The following TIMM22 variants were observed in gnomAD, a reference collection of about 807,000 sequenced individuals.
TIMM22 encodes translocase of inner mitochondrial membrane 22, also known as mitochondrial import inner membrane translocase subunit Tim22.
TIMM22 carries 12 observed loss-of-function variants against 18.3 expected under a neutral mutation model. The ratio of observed to expected loss-of-function variants is 0.65; its 90% CI spans 0.42 to 1.06. The LOEUF (loss-of-function observed/expected upper bound fraction) is 1.06, where lower values mean the gene tolerates loss of function less well. TIMM22 is among the 50% of genes least tolerant of loss of function. The probability of loss-of-function intolerance (pLI) is 0.00; values close to 1 mark genes in which losing one functional copy is unlikely to be tolerated. For synonymous variants in TIMM22, 107 were observed against 98.5 expected (o/e 1.09, Z -0.51); for missense variants, 278 against 252.8 (o/e 1.10, Z -0.68).
At chr17:999,358 T>TACACATACAC (rs1555524935) in intron 2 of TIMM22, among the ~76,000 whole-genome samples, 154 bp from the exon 3 acceptor site, 2 of 132,610 alleles carry the variant, frequency 1.5e-5, no homozygotes, top group African/African-American at 6.4e-5. Flanking sequence ...TATATATATA[T>TACACATACAC]ACACGCTGTA....
At chr17:997,490 T>G in intron 1 of TIMM22, 110 bp downstream of exon 1, 1 of 1,048,848 alleles carries the variant, frequency 9.5e-7, no homozygotes, top group Admixed American at 2.7e-5. Flanking sequence ...GCCTTGACCT[T>G]GACCACACCC....
In TIMM22 at chr17:997,905, TTCC is replaced by T. The variant is rs545679494; in HGVS notation, c.238+527_238+529del. Among the ~76,000 whole-genome samples, 298 of 152,382 alleles carry T rather than the reference TTCC, an allele frequency of 2.0e-3. 1 individual carries two copies. Among genetic ancestry groups the T allele is most frequent in the African/African-American group, 6.8e-3 (284 of 41,596 alleles). On this transcript the variant is annotated intron_variant, in intron 1 of 3. Transcript: ENST00000327158. ...CTTAAATAATTCTTTCAACAAATTGTTCCTAAGCAATATCACGTGCCAGGTGAA... is the reference window on the plus strand; with the variant it reads ...CTTAAATAATTCTTTCAACAAATTGTTAAGCAATATCACGTGCCAGGTGAA...
chr17:999,893 T>C (rs1199862592), intron 3 of TIMM22, among the ~76,000 whole-genome samples: 1 of 145,336 alleles, frequency 6.9e-6, no homozygotes, highest in African/African-American at 2.6e-5. Context: ...CCCCCGTCCG[T>C]TGTAACAACT....
rs1231466045 is a variant in TIMM22 at position 1,001,504 on chromosome 17, G to A, written c.*416G>A. 2.8e-5 allele frequency: 5 copies of A among 177,826 alleles called. No homozygotes were observed. Among genetic ancestry groups the A allele is most frequent in the Admixed American group, 5.7e-5 (1 of 17,666 alleles). The allele number at this position is 177,826 out of a possible 1,614,324, so 11.0% of individuals were successfully genotyped here. ...GGAACTCCATGCAACTATCCGTCTCGAATACCAGGGCAGGGCAAGGCGGAC... is the reference window on the plus strand; with the variant it reads ...GGAACTCCATGCAACTATCCGTCTCAAATACCAGGGCAGGGCAAGGCGGAC... On this transcript the variant is annotated 3_prime_UTR_variant, in exon 4 of 4. Coordinates refer to ENST00000327158, the MANE Select transcript of TIMM22 (RefSeq NM_013337.4).
chr17:1,000,869 A>T, intron 3 of TIMM22, 143 bp from the exon 4 acceptor site: 2 of 793,888 alleles, frequency 2.5e-6, no homozygotes, highest in Non-Finnish European at 4.4e-6. Flanking sequence ...TGCTTCATTG[A>T]TGTCTTCCAG....
rs2069743904 is a variant in TIMM22, at chr17:1,001,427, G to A, written c.*339G>A. ...GGCCCTCTAGGTTGTTTGGTGTTGT[G>A]GGCACAGAGGTGACAGTGTCTCTGC... On this transcript the variant is annotated 3_prime_UTR_variant, in exon 4 of 4. Transcript: ENST00000327158. 3 of 271,014 alleles carry A rather than the reference G, an allele frequency of 1.1e-5. No individual in the cohort carries two copies. In the South Asian group the frequency reaches 1.2e-4, roughly 10 times the overall value. 16.8% of individuals were successfully genotyped at this position (271,014 alleles called of 1,614,324 possible).
chr17:997,697 C>T (rs1275067235), intron 1 of TIMM22, among the ~76,000 whole-genome samples: 2 of 152,100 alleles, frequency 1.3e-5, no homozygotes, highest in Non-Finnish European at 2.9e-5. Context: ...CCTGTAGTCC[C>T]AGCTATTCGG....
At chr17:997,956 T>C (rs563306362) in intron 1 of TIMM22, among the ~76,000 whole-genome samples, 2 of 152,340 alleles carry the variant, frequency 1.3e-5, no homozygotes, top group East Asian at 3.9e-4. Flanking sequence ...CTGGTCTTCA[T>C]GGGGCCTGTA....
At position 1,003,667 on chromosome 17, in the gene TIMM22, A is replaced by T. The variant is rs1011684547; in HGVS notation, c.*2579A>T. 2 of 152,470 alleles carry T rather than the reference A, an allele frequency of 1.3e-5. No homozygotes were observed. Among genetic ancestry groups the T allele is most frequent in the African/African-American group, 4.8e-5 (2 of 41,466 alleles). The allele number at this position is 152,470 out of a possible 1,614,324, so 9.4% of individuals were successfully genotyped here. A position where few individuals can be genotyped will look rare whatever the true frequency, so the allele number is the denominator to read the frequency against. ...ACCAACTTATTAAAGTCAGATATTC[A>T]TGAAGGGTCCCATCCTACCTGTGTA... On this transcript the variant is annotated 3_prime_UTR_variant, in exon 4 of 4. Coordinates refer to ENST00000327158, the MANE Select transcript of TIMM22 (RefSeq NM_013337.4).
At position 998,870 on chromosome 17, in the gene TIMM22, T is replaced by G. The variant is rs112899927; in HGVS notation, c.330T>G (p.Thr110=). The stretch of plus-strand genomic sequence containing the variant: ...CTAAGGATCCTTACCGTACACCGAC[T>G]GCAAAAGAAGTGCTGAAAGACATGG... ...FDPKDPYRTP[T]AKEVLKDMGQ... The change falls in exon 2 of 4, where the codon ACT becomes ACG. Residue 110 remains threonine (T), a synonymous_variant. Transcript: ENST00000327158. 1,262 of 1,614,166 alleles carry G rather than the reference T, an allele frequency of 7.8e-4. 8 individuals carry two copies. In the African/African-American group the frequency reaches 0.012, roughly 15 times the overall value.
rs562130140 is a variant in TIMM22, at chr17:1,003,148, T to C, written c.*2060T>C. On this transcript the variant is annotated 3_prime_UTR_variant, in exon 4 of 4. Coordinates refer to ENST00000327158, the MANE Select transcript of TIMM22 (RefSeq NM_013337.4). Reference sequence around the variant, plus strand: ...AGGCTGCCTCAAAGATATGCCACTTTGAAGGAAAGCGTAGAGAAGCGTTTA... The same window carrying C: ...AGGCTGCCTCAAAGATATGCCACTTCGAAGGAAAGCGTAGAGAAGCGTTTA... 6.6e-6 allele frequency: 1 copy of C among 152,286 alleles called. No individual in the cohort carries two copies. The highest frequency in any genetic ancestry group is 6.5e-5 in the Admixed American group (1 of 15,296). The allele number at this position is 152,286 out of a possible 1,614,324, so 9.4% of individuals were successfully genotyped here.
chr17:1,001,268 C>G lies in TIMM22; in HGVS notation c.*180C>G. Reference sequence around the variant, plus strand: ...CTGCCTCCAGCCTTTGGGGTAGCCACACTTTGCTGCTCCTGGACTCCAGCC... The same window carrying G: ...CTGCCTCCAGCCTTTGGGGTAGCCAGACTTTGCTGCTCCTGGACTCCAGCC... On this transcript the variant is annotated 3_prime_UTR_variant, in exon 4 of 4. Coordinates refer to ENST00000327158, the MANE Select transcript of TIMM22 (RefSeq NM_013337.4). The G allele has an allele frequency of 1.7e-6, 1 of 601,670 alleles. No homozygotes were observed. Among genetic ancestry groups the G allele is most frequent in the Non-Finnish European group, 2.9e-6 (1 of 344,760 alleles). 37.3% of individuals were successfully genotyped at this position (601,670 alleles called of 1,614,324 possible). A position where few individuals can be genotyped will look rare whatever the true frequency, so the allele number is the denominator to read the frequency against.
At chr17:999,397 TTAG>T (rs2069720343) in intron 2 of TIMM22, 112 bp from the exon 3 acceptor site, 2 of 669,452 alleles carry the variant, frequency 3.0e-6, no homozygotes, top group African/African-American at 3.8e-5. Context: ...TCAAGAAAGA[TTAG>T]GTTTCCTTTG....
chr17:999,345 A>C (rs1320260867), intron 2 of TIMM22, among the ~76,000 whole-genome samples, 167 bp from the exon 3 acceptor site: 1 of 143,354 alleles, frequency 7.0e-6, no homozygotes, highest in Non-Finnish European at 1.5e-5. Flanking sequence ...ATATATATAT[A>C]TATATATATA....
chr17:1,000,593 G>A (rs1175278406), intron 3 of TIMM22, among the ~76,000 whole-genome samples: 2 of 152,106 alleles, frequency 1.3e-5, no homozygotes, highest in Admixed American at 6.5e-5. Context: ...TGACTTCTCC[G>A]CCGGTCGTCC....
chr17:1,001,054 C>T lies in TIMM22; in HGVS notation c.551C>T (p.Ala184Val), dbSNP rs1455491327. Residue 184 changes from alanine to valine, a missense_variant, in exon 4 of 4, where the codon GCT (alanine) becomes GTT (valine). Coordinates refer to ENST00000327158, the MANE Select transcript of TIMM22 (RefSeq NM_013337.4). The part of the protein sequence containing the change: ...AGAIGCGGFA[A>V]FSAAIDYYLR ...GCCATTGGTTGTGGAGGTTTTGCTG[C>T]TTTCTCTGCTGCGATTGATTATTAC... is the stretch of plus-strand genomic sequence containing the variant. 4 of 1,614,060 alleles carry T rather than the reference C, an allele frequency of 2.5e-6. No homozygotes were observed. The highest frequency in any genetic ancestry group is 3.4e-6 in the Non-Finnish European group (4 of 1,179,982).
rs1483369804 is a variant in TIMM22, at chr17:1,002,773, A to ATCTT, written c.*1688_*1691dup. On this transcript the variant is annotated 3_prime_UTR_variant, in exon 4 of 4. Transcript: ENST00000327158. ...AGTCCTAGGATGCCTGGGATCTTCC[A>ATCTT]TCTTTCAGTCTAGCACGTGGGACCA... 3 of 152,212 alleles carry ATCTT rather than the reference A, an allele frequency of 2.0e-5. No homozygotes were observed. Among genetic ancestry groups the ATCTT allele is most frequent in the African/African-American group, 7.2e-5 (3 of 41,458 alleles). 9.4% of individuals were successfully genotyped at this position (152,212 alleles called of 1,614,324 possible).
rs990300274 is a variant in TIMM22, at chr17:1,002,365, TC to T, written c.*1279del. 1 of 152,188 alleles carries T rather than the reference TC, an allele frequency of 6.6e-6. No homozygotes were observed. The highest frequency in any genetic ancestry group is 2.4e-5 in the African/African-American group (1 of 41,338). The allele number at this position is 152,188 out of a possible 1,614,324, so 9.4% of individuals were successfully genotyped here. A position where few individuals can be genotyped will look rare whatever the true frequency, so the allele number is the denominator to read the frequency against. On this transcript the variant is annotated 3_prime_UTR_variant, in exon 4 of 4. Transcript: ENST00000327158. ...ATAATACGGTAATTCCTCTATCCTT[TC>T]CTTTTTTGCCTTCTTCCTCATCTGC...
At chr17:999,049 T>C (rs2069713597) in intron 2 of TIMM22, 74 bp downstream of exon 2, 1 of 1,479,330 alleles carries the variant, frequency 6.8e-7, no homozygotes, top group Non-Finnish European at 9.1e-7. Flanking sequence ...AATTGCTCTT[T>C]AAAAGTCATT....
Sources: allele counts gnomAD v4.1 joint callset (sites outside exome capture counted in the v4.1 genomes callset), GRCh38; gene constraint gnomAD v4.1.1; transcripts MANE v1.5; gene names NCBI Gene and HGNC (gene_info 2026-07-23, HGNC 2026-07-21).